FANCI: variants seen among roughly 807,000 people sequenced by gnomAD.
FANCI encodes Fanconi anemia group I protein.
In FANCI, 156 loss-of-function variants were observed where a neutral mutation model predicts 176.1. The ratio of observed to expected loss-of-function variants is 0.89; its 90% CI spans 0.78 to 1.01. FANCI has a LOEUF of 1.01. Among genes scored for constraint, FANCI ranks in the 50% least tolerant of loss-of-function variants. FANCI has a pLI of 0.00. For synonymous variants in FANCI, 613 were observed against 541.7 expected (o/e 1.13, Z -1.83); for missense variants, 1,678 against 1,534.1 (o/e 1.09, Z -1.57).
intron 9 of FANCI, among the ~76,000 whole-genome samples, chr15:89,267,150 A>C (rs572253720): frequency 2.0e-5 from 3 of 152,096 alleles, no homozygotes; most frequent in South Asian, 2.1e-4. Flanking sequence ...GTAAAAACCT[A>C]TCTCTACAAA....
At chr15:89,266,354 A>T (rs1272788885) in intron 9 of FANCI, among the ~76,000 whole-genome samples, 33 of 146,050 alleles carry the variant, frequency 2.3e-4, no homozygotes, top group African/African-American at 7.6e-4. Context: ...TTTGAGAGGA[A>T]GTCTCACTGT....
intron 24 of FANCI, among the ~76,000 whole-genome samples, chr15:89,296,119 C>T (rs1379432574): frequency 6.6e-6 from 1 of 152,152 alleles, no homozygotes; most frequent in Non-Finnish European, 1.5e-5. Context: ...AGGGCACCAC[C>T]ATGCCCTGCT....
chr15:89,283,759 CT>C lies in FANCI; in HGVS notation c.1698+522del, dbSNP rs199549740. On this transcript the variant is annotated intron_variant, in intron 17 of 37. Coordinates refer to ENST00000310775, the MANE Select transcript of FANCI (RefSeq NM_001113378.2). ...TTTGTGGTTCATATTATATTTCTTT[CT>C]TTTTTTTTTTTTGAGACGGAGTCAG... 9.1e-3 allele frequency among the ~76,000 whole-genome samples: 1,289 copies of C among 142,358 alleles called. 2 individuals are homozygous for C. The highest frequency in any genetic ancestry group is 0.021 in the African/African-American group (817 of 39,002). 93.4% of individuals were successfully genotyped at this position (142,358 alleles called of 152,430 possible).
intron 6 of FANCI, 27 bp from the exon 7 acceptor site, chr15:89,263,392 A>G (rs201693655): frequency 1.2e-6 from 2 of 1,601,770 alleles, no homozygotes; most frequent in African/African-American, 2.7e-5. Flanking sequence ...TTGTAAAGAA[A>G]TAAACTTTGT....
chr15:89,302,251 A>G (rs890698500), intron 27 of FANCI, among the ~76,000 whole-genome samples: 1 of 152,178 alleles, frequency 6.6e-6, no homozygotes, highest in Non-Finnish European at 1.5e-5. Context: ...TAGAAAGCAG[A>G]GCTGCTTCCT....
intron 6 of FANCI, 136 bp from the exon 7 acceptor site, chr15:89,263,283 G>A (rs891523763): frequency 4.3e-6 from 3 of 699,464 alleles, no homozygotes; most frequent in African/African-American, 3.6e-5. Context: ...TGTTTTAAAT[G>A]GTATTTATTT....
At chr15:89,264,926 G>A (rs2052875035) in intron 9 of FANCI, among the ~76,000 whole-genome samples, 1 of 152,180 alleles carries the variant, frequency 6.6e-6, no homozygotes, top group African/African-American at 2.4e-5. Context: ...TGCTCTTGTA[G>A]AACTTCAATT....
At chr15:89,250,526 C>G (rs1485157723) in intron 2 of FANCI, among the ~76,000 whole-genome samples, 1 of 140,536 alleles carries the variant, frequency 7.1e-6, no homozygotes, top group East Asian at 2.1e-4. Context: ...ATGGGAACAT[C>G]ACACACCGGG....
In FANCI at chr15:89,285,163, A is replaced by G. The variant is rs377484255; in HGVS notation, c.1766A>G (p.Asp589Gly). The change falls in exon 18 of 38, where the codon GAT becomes GGT. Residue 589 changes from aspartate (D) to glycine (G), a missense_variant. Transcript: ENST00000310775. ...GAAACTTTTTGCCTTGAGATCATGGATAGTTTGAGGAGATGCTTAAGCCAG... is the reference window on the plus strand; with the variant it reads ...GAAACTTTTTGCCTTGAGATCATGGGTAGTTTGAGGAGATGCTTAAGCCAG... The part of the protein sequence containing the change: ...ANETFCLEIM[D>G]SLRRCLSQQA... 4.3e-6 allele frequency: 7 copies of G among 1,614,050 alleles called. No individual in the cohort carries two copies. The highest frequency in any genetic ancestry group is 1.1e-5 in the South Asian group (1 of 91,084).
chr15:89,303,262 A>C (rs1381486008), intron 27 of FANCI, among the ~76,000 whole-genome samples: 1 of 152,202 alleles, frequency 6.6e-6, no homozygotes, highest in Non-Finnish European at 1.5e-5. Context: ...GTATAACGGC[A>C]TTTCGGTGCC....
intron 2 of FANCI, among the ~76,000 whole-genome samples, chr15:89,250,091 G>C (rs559559535): frequency 6.6e-6 from 1 of 152,312 alleles, no homozygotes; most frequent in Non-Finnish European, 1.5e-5. Context: ...CTTTTACTTG[G>C]AAATTAAAAT....
chr15:89,256,084 A>G (rs1195739541), intron 2 of FANCI, among the ~76,000 whole-genome samples: 1 of 152,168 alleles, frequency 6.6e-6, no homozygotes. Context: ...CCCTCTTCCT[A>G]TGCCACACTG....
chr15:89,302,824 C>T (rs865974694), intron 27 of FANCI, among the ~76,000 whole-genome samples: 3 of 152,144 alleles, frequency 2.0e-5, no homozygotes, highest in Admixed American at 6.5e-5. Context: ...TCACCCGCCT[C>T]GGCCTCCCAA....
rs2054069506 is a variant in FANCI at position 89,291,525 on chromosome 15, A to G, written c.1891-88A>G. 13 of 997,930 alleles carry G rather than the reference A, an allele frequency of 1.3e-5. No individual in the cohort carries two copies. The South Asian group carries it at 1.7e-4, about 13-fold the overall frequency. The allele number at this position is 997,930 out of a possible 1,614,324, so 61.8% of individuals were successfully genotyped here. On this transcript the variant is annotated intron_variant, in intron 19 of 37. Transcript: ENST00000310775. The stretch of plus-strand genomic sequence containing the variant: ...TGGGAAATGTGTGTTAGAAGGCATT[A>G]GACATTAAAGATACCTTTCACCTGA...
intron 27 of FANCI, among the ~76,000 whole-genome samples, chr15:89,302,407 G>C (rs931760321): frequency 6.6e-6 from 1 of 152,086 alleles, no homozygotes; most frequent in Non-Finnish European, 1.5e-5. Flanking sequence ...GAAAGAAATA[G>C]CTAATTGGGG....
chr15:89,299,911 C>T lies in FANCI; in HGVS notation c.2748C>T (p.Phe916=), dbSNP rs1313390752. The T allele has an allele frequency of 5.0e-6, 8 of 1,614,022 alleles. No individual in the cohort carries two copies. Among genetic ancestry groups the T allele is most frequent in the Non-Finnish European group, 5.9e-6 (7 of 1,179,984 alleles). The change falls in exon 25 of 38, where the codon TTC becomes TTT. Residue 916 remains phenylalanine, a synonymous_variant. Transcript: ENST00000310775. ...GCTTGGAGGGTTTACAGAAAATATT[C>T]AGTGCTGTGCAACAGTTCTATCAGC... ...LLCLEGLQKI[F]SAVQQFYQPK...
Position 89,261,586 on chromosome 15 carries a change from C to T in FANCI, c.290C>T (p.Ala97Val), listed in dbSNP as rs1555442676. 2.5e-6 allele frequency: 4 copies of T among 1,613,946 alleles called. No homozygotes were observed. The highest frequency in any genetic ancestry group is 3.4e-6 in the Non-Finnish European group (4 of 1,180,006). The change falls in exon 5 of 38, where the codon GCT becomes GTT. Residue 97 changes from alanine (A) to valine (V), a missense_variant and splice_region_variant. Ala to Val is a moderately conservative substitution (Grantham distance 64). Around this residue, in one of 3 missense-constraint regions of FANCI, gnomAD observed 469 missense variants for 436.9 expected, o/e 1.07. Coordinates refer to ENST00000310775, the MANE Select transcript of FANCI (RefSeq NM_001113378.2). ...SEIIGLLMLE[A>V]HHFPGPLLVE... ...TTCCTTTATCCTGTGAACTTTTAGG[C>T]TCACCATTTTCCAGGACCATTATTG...
chr15:89,284,492 A>G (rs1324321895), intron 17 of FANCI, among the ~76,000 whole-genome samples: 1 of 152,244 alleles, frequency 6.6e-6, no homozygotes, highest in African/African-American at 2.4e-5. Flanking sequence ...AGGGAAACTG[A>G]GGCTGAGCCA....
intron 34 of FANCI, 133 bp from the exon 35 acceptor site, chr15:89,312,771 A>C (rs1436637626): frequency 1.4e-6 from 1 of 699,532 alleles, no homozygotes; most frequent in Non-Finnish European, 2.4e-6. Flanking sequence ...GTGGGTCGAC[A>C]TCACGCCACT....
Sources: gnomAD v4.1 joint callset for allele counts (sites outside exome capture counted in the v4.1 genomes callset) on GRCh38, gnomAD v4.1.1 for gene constraint, gnomAD v4.1.1 regional missense constraint, MANE v1.5 for transcripts, NCBI Gene and HGNC (gene_info 2026-07-23, HGNC 2026-07-21) for gene names.